CHODL: variants seen among roughly 807,000 people sequenced by gnomAD.
The protein encoded by CHODL is chondrolectin.
CHODL carries 29 observed loss-of-function variants against 34.5 expected under a neutral mutation model. The observed-to-expected ratio is 0.84, with a 90% CI of 0.63 to 1.15. The LOEUF (loss-of-function observed/expected upper bound fraction) is 1.15, where lower values mean the gene tolerates loss of function less well. Among genes scored for constraint, CHODL ranks in the 50% most tolerant of loss-of-function variants. The pLI, the probability that CHODL is intolerant of heterozygous loss-of-function variation, is 0.00. For missense variants in CHODL, 332 were observed against 332.5 expected, an observed-to-expected ratio of 1.00 and a Z score of 0.01; for synonymous variants, 125 against 116.1, an observed-to-expected ratio of 1.08 and a Z score of -0.49.
chr21:18,201,667 G>A (rs2073653770), intron 2 of CHODL, among the ~76,000 whole-genome samples: 2 of 152,066 alleles, frequency 1.3e-5, no homozygotes, highest in Non-Finnish European at 2.9e-5. Flanking sequence ...TAATCTAAAA[G>A]TAGACTTCTT....
intron 1 of CHODL, among the ~76,000 whole-genome samples, chr21:17,995,108 G>A (rs1459649845): frequency 6.6e-6 from 1 of 152,132 alleles, no homozygotes; most frequent in Admixed American, 6.5e-5. Flanking sequence ...GGTAGCCACA[G>A]AGGGATGTCA....
intron 2 of CHODL, among the ~76,000 whole-genome samples, chr21:18,059,737 T>C (rs2064633961): frequency 6.6e-6 from 1 of 152,104 alleles, no homozygotes; most frequent in Admixed American, 6.5e-5. Flanking sequence ...CTCACCAAAC[T>C]GACATAGGAA....
chr21:18,028,087 A>G (rs1211964282), intron 2 of CHODL: 3 of 152,204 alleles, frequency 2.0e-5, no homozygotes, highest in African/African-American at 7.2e-5. Flanking sequence ...CAACAATGAA[A>G]GAAACCTCAT....
chr21:18,014,042 C>G (rs2064047569), intron 1 of CHODL, among the ~76,000 whole-genome samples: 1 of 152,096 alleles, frequency 6.6e-6, no homozygotes, highest in Non-Finnish European at 1.5e-5. Context: ...AAACACACAT[C>G]CAGGCTTTGT....
chr21:18,001,637 G>GT (rs900070633), intron 1 of CHODL, among the ~76,000 whole-genome samples: 6 of 151,992 alleles, frequency 3.9e-5, no homozygotes, highest in African/African-American at 7.3e-5. Flanking sequence ...TTCTTCGTGA[G>GT]TTTTTTTAAA....
At chr21:18,189,594 C>A (rs551882923) in intron 2 of CHODL, among the ~76,000 whole-genome samples, 10 of 151,578 alleles carry the variant, frequency 6.6e-5, no homozygotes, top group Non-Finnish European at 1.5e-4. Flanking sequence ...CACAACCTAC[C>A]CTATGCACTT....
At chr21:18,108,107 C>G (rs2146556082) in intron 2 of CHODL, among the ~76,000 whole-genome samples, 1 of 151,564 alleles carries the variant, frequency 6.6e-6, no homozygotes, top group South Asian at 2.1e-4. Flanking sequence ...TGTTCTTGAC[C>G]AAGAAACTCA....
chr21:18,160,438 A>G (rs2073082861), intron 2 of CHODL, among the ~76,000 whole-genome samples: 1 of 152,138 alleles, frequency 6.6e-6, no homozygotes, highest in Non-Finnish European at 1.5e-5. Flanking sequence ...TTCATCACCC[A>G]GGTATTAAAC....
In CHODL at chr21:18,115,024, T is replaced by C. The variant is rs575401516; in HGVS notation, c.-45+87053T>C. Reference sequence around the variant, plus strand: ...CTTATGTATTCATGAGCTAAATAAATGCTGTTGCTTCAGGCACTAGGTTTC... The same window carrying C: ...CTTATGTATTCATGAGCTAAATAAACGCTGTTGCTTCAGGCACTAGGTTTC... On this transcript the variant is annotated intron_variant, in intron 2 of 6. Transcript: ENST00000400127. 1.2e-4 allele frequency: 19 copies of C among 152,364 alleles called. No homozygotes were observed. In the South Asian group the frequency reaches 3.7e-3, roughly 30 times the overall value. 9.4% of individuals were successfully genotyped at this position (152,364 alleles called of 1,614,324 possible). A position where few individuals can be genotyped will look rare whatever the true frequency, so the allele number is the denominator to read the frequency against.
At chr21:17,967,890 T>C (rs553418952) in intron 1 of CHODL, among the ~76,000 whole-genome samples, 9 of 152,320 alleles carry the variant, frequency 5.9e-5, no homozygotes, top group Non-Finnish European at 1.2e-4. Flanking sequence ...TCAGGACCAA[T>C]GCCTACCTTG....
intron 2 of CHODL, among the ~76,000 whole-genome samples, chr21:18,102,648 A>G (rs2065229518): frequency 6.6e-6 from 1 of 152,248 alleles, no homozygotes; most frequent in Non-Finnish European, 1.5e-5. Flanking sequence ...CTCTAAAGAA[A>G]TACCTATTGC....
At chr21:18,076,463 T>C (rs983434834) in intron 2 of CHODL, among the ~76,000 whole-genome samples, 2 of 152,204 alleles carry the variant, frequency 1.3e-5, no homozygotes, top group Non-Finnish European at 2.9e-5. Flanking sequence ...GTTGAAGGTA[T>C]GGCTTGGCTT....
At chr21:17,919,780 A>T (rs1448698977) in intron 1 of CHODL, among the ~76,000 whole-genome samples, 1 of 152,176 alleles carries the variant, frequency 6.6e-6, no homozygotes, top group African/African-American at 2.4e-5. Flanking sequence ...TCAAACTTTT[A>T]TGCTGTTTCC....
At chr21:18,155,759 ATGT>A (rs1432683648) in intron 2 of CHODL, among the ~76,000 whole-genome samples, 1 of 152,170 alleles carries the variant, frequency 6.6e-6, no homozygotes, top group Non-Finnish European at 1.5e-5. Context: ...CCTGAATGGA[ATGT>A]TGTTTTGAAA....
At chr21:18,055,869 T>G (rs894826591) in intron 2 of CHODL, among the ~76,000 whole-genome samples, 1 of 152,100 alleles carries the variant, frequency 6.6e-6, no homozygotes, top group African/African-American at 2.4e-5. Context: ...CATCGTTACC[T>G]GAACATTCTA....
chr21:18,057,061 T>G (rs866537823), intron 2 of CHODL, among the ~76,000 whole-genome samples: 1 of 152,104 alleles, frequency 6.6e-6, no homozygotes, highest in Non-Finnish European at 1.5e-5. Context: ...ACTGAGGAAC[T>G]TCCATGTCAT....
rs369266354 is a variant in CHODL, at chr21:18,001,656, G to A, written c.-144-26216G>A. On this transcript the variant is annotated intron_variant, in intron 1 of 6. Transcript: ENST00000400127. The stretch of plus-strand genomic sequence containing the variant: ...TCGTGAGTTTTTTTAAAAAGCCTAG[G>A]TAAGGAAGAGAGAGAATTCATGCAT... Among the ~76,000 whole-genome samples the A allele has an allele frequency of 3.9e-5, 6 of 152,076 alleles. 1 individual carries two copies. Among genetic ancestry groups the A allele is most frequent in the Admixed American group, 1.3e-4 (2 of 15,292 alleles).
At chr21:18,116,348 C>G (rs1568894518) in intron 2 of CHODL, among the ~76,000 whole-genome samples, 1 of 152,036 alleles carries the variant, frequency 6.6e-6, no homozygotes, top group African/African-American at 2.4e-5. Context: ...TTAGAGGTTC[C>G]AATACCTAAC....
chr21:18,178,991 C>T (rs2073349327), intron 2 of CHODL, among the ~76,000 whole-genome samples: 1 of 152,104 alleles, frequency 6.6e-6, no homozygotes, highest in Admixed American at 6.5e-5. Flanking sequence ...GGAAGTTTAT[C>T]TTGTTTCTTG....
Sources: allele counts gnomAD v4.1 joint callset (sites outside exome capture counted in the v4.1 genomes callset), GRCh38; gene constraint gnomAD v4.1.1; transcripts MANE v1.5; gene names NCBI Gene and HGNC (gene_info 2026-07-23, HGNC 2026-07-21).